DGKI: variants seen among roughly 807,000 people sequenced by gnomAD.
DGKI encodes the protein diacylglycerol kinase iota, also known as DAG kinase iota.
In DGKI, 55 loss-of-function variants were observed where a neutral mutation model predicts 147.5. The observed-to-expected ratio is 0.37, with a 90% CI of 0.30 to 0.47. The LOEUF (loss-of-function observed/expected upper bound fraction) is 0.47. Ranked by LOEUF, DGKI falls within the 20% of genes least tolerant of loss-of-function variation. The pLI is 1.00. For synonymous variants in DGKI, 469 were observed against 477.1 expected, an observed-to-expected ratio of 0.98 and a Z score of 0.22; for missense variants, 1,007 against 1,323.8, an observed-to-expected ratio of 0.76 and a Z score of 3.71.
chr7:137,681,962 G>T (rs958583691), intron 2 of DGKI, among the ~76,000 whole-genome samples: 1 of 152,264 alleles, frequency 6.6e-6, no homozygotes, highest in African/African-American at 2.4e-5. Context: ...TGGACATCAA[G>T]GTTCGAATGA....
intron 2 of DGKI, among the ~76,000 whole-genome samples, chr7:137,689,379 G>A (rs1283989208): frequency 6.6e-6 from 1 of 152,216 alleles, no homozygotes; most frequent in Non-Finnish European, 1.5e-5. Flanking sequence ...TTTTGTGAGT[G>A]TGTTATGGTT....
chr7:137,611,601 T>C (rs1820366564), intron 8 of DGKI, among the ~76,000 whole-genome samples: 1 of 152,170 alleles, frequency 6.6e-6, no homozygotes, highest in South Asian at 2.1e-4. Context: ...AACAGTTTCT[T>C]AATTTTAAAA....
chr7:137,809,802 G>A (rs1213293876), intron 1 of DGKI, among the ~76,000 whole-genome samples: 1 of 152,094 alleles, frequency 6.6e-6, no homozygotes, highest in Non-Finnish European at 1.5e-5. Context: ...TACTCAAGAG[G>A]CTGAGGTGAG....
intron 1 of DGKI, among the ~76,000 whole-genome samples, chr7:137,814,748 AGCACCCCC>A (rs1797689811): frequency 6.6e-6 from 1 of 152,240 alleles, no homozygotes; most frequent in Non-Finnish European, 1.5e-5. Flanking sequence ...AAATGTTATA[AGCACCCCC>A]GCTAGAGAAC....
At chr7:137,750,166 C>T (rs1795454435) in intron 1 of DGKI, among the ~76,000 whole-genome samples, 1 of 152,156 alleles carries the variant, frequency 6.6e-6, no homozygotes, top group Admixed American at 6.5e-5. Flanking sequence ...AAGAAAGATA[C>T]CCTTGTCGTA....
At position 137,388,953 on chromosome 7, in the gene DGKI, C is replaced by G. The variant is rs1220911124; in HGVS notation, c.*2267G>C. ...ACCTGTACCCTAAATTTTCTCTGGG[C>G]TACTTGGAAGTATTTAGAGAAATGT... is the stretch of plus-strand genomic sequence containing the variant. On this transcript the variant is annotated 3_prime_UTR_variant, in exon 33 of 33. Coordinates refer to ENST00000614521, the MANE Select transcript of DGKI (RefSeq NM_001321708.2). 1 of 152,036 alleles carries G rather than the reference C, an allele frequency of 6.6e-6. No individual in the cohort carries two copies. 9.4% of individuals were successfully genotyped at this position (152,036 alleles called of 1,614,324 possible).
At chr7:137,484,696 C>T (rs116869171) in intron 23 of DGKI, among the ~76,000 whole-genome samples, 1 of 152,112 alleles carries the variant, frequency 6.6e-6, no homozygotes, top group Non-Finnish European at 1.5e-5. Flanking sequence ...AAAGAAACTG[C>T]ACCCCCAAAG....
chr7:137,423,799 A>G (rs1453086771), intron 28 of DGKI, among the ~76,000 whole-genome samples: 1 of 152,244 alleles, frequency 6.6e-6, no homozygotes, highest in Non-Finnish European at 1.5e-5. Context: ...TGTACAATTA[A>G]AAAATAAATA....
At chr7:137,831,581 A>G (rs1437199515) in intron 1 of DGKI, among the ~76,000 whole-genome samples, 2 of 152,218 alleles carry the variant, frequency 1.3e-5, no homozygotes, top group Non-Finnish European at 2.9e-5. Flanking sequence ...ATTACCTCCC[A>G]TCGGGCTCAT....
In DGKI at chr7:137,383,705, A is replaced by G. The variant is rs1231960558; in HGVS notation, c.*7515T>C. Reference sequence around the variant, plus strand: ...CAATGTTTAGGAAAAATAAATCCTTATAAGTAATAAAGCTAACTCCTTTTC... The same window carrying G: ...CAATGTTTAGGAAAAATAAATCCTTGTAAGTAATAAAGCTAACTCCTTTTC... On this transcript the variant is annotated 3_prime_UTR_variant, in exon 33 of 33. Transcript: ENST00000614521. 2.0e-5 allele frequency: 3 copies of G among 152,050 alleles called. No homozygotes were observed. The highest frequency in any genetic ancestry group is 2.9e-5 in the Non-Finnish European group (2 of 67,950). 9.4% of individuals were successfully genotyped at this position (152,050 alleles called of 1,614,324 possible).
intron 21 of DGKI, among the ~76,000 whole-genome samples, chr7:137,502,983 T>C (rs1484828351): frequency 3.3e-5 from 5 of 152,056 alleles, no homozygotes; most frequent in African/African-American, 9.7e-5. Flanking sequence ...GGAGGAAACA[T>C]CTCCAGGCCT....
chr7:137,403,850 A>T (rs927555263), intron 30 of DGKI, among the ~76,000 whole-genome samples: 6 of 150,454 alleles, frequency 4.0e-5, no homozygotes, highest in East Asian at 2.0e-4. Context: ...TTTATTTGTT[A>T]TTTTTTTTTT....
At chr7:137,525,255 G>T (rs1438103322) in intron 20 of DGKI, among the ~76,000 whole-genome samples, 1 of 152,080 alleles carries the variant, frequency 6.6e-6, no homozygotes, top group Non-Finnish European at 1.5e-5. Context: ...CTACACTTTT[G>T]CTCTCTTGCT....
intron 23 of DGKI, among the ~76,000 whole-genome samples, chr7:137,485,018 C>T (rs1390352216): frequency 6.6e-6 from 1 of 151,970 alleles, no homozygotes; most frequent in East Asian, 1.9e-4. Context: ...GAGCCATGAC[C>T]AAATGGGATG....
At chr7:137,459,470 ATTTTT>A (rs68045398) in intron 27 of DGKI, among the ~76,000 whole-genome samples, 1,335 of 107,430 alleles carry the variant, frequency 0.012, 14 homozygotes, top group African/African-American at 0.048. Flanking sequence ...AATTTTTTAA[ATTTTT>A]TTTTTTTTTT....
intron 6 of DGKI, among the ~76,000 whole-genome samples, chr7:137,627,092 T>C (rs557815146): frequency 6.6e-6 from 1 of 152,318 alleles, no homozygotes; most frequent in South Asian, 2.1e-4. Context: ...GTTCTATTTA[T>C]TTATTTATTT....
intron 28 of DGKI, among the ~76,000 whole-genome samples, chr7:137,437,086 A>G (rs1037227757): frequency 6.6e-6 from 1 of 152,178 alleles, no homozygotes; most frequent in Non-Finnish European, 1.5e-5. Flanking sequence ...TCACTTTGGG[A>G]TCAGGAACAA....
chr7:137,599,986 T>G, intron 10 of DGKI, 81 bp from the exon 11 acceptor site: 1 of 1,252,394 alleles, frequency 8.0e-7, no homozygotes, highest in Non-Finnish European at 1.2e-6. Context: ...AATAAATACT[T>G]TTATTTAAAA....
chr7:137,463,362 G>A lies in DGKI; in HGVS notation c.2735+127C>T, dbSNP rs1402762351. On this transcript the variant is annotated intron_variant, in intron 27 of 32. Coordinates refer to ENST00000614521, the MANE Select transcript of DGKI (RefSeq NM_001321708.2). ...GTGCATGGAATGAAAACACAGAGTA[G>A]CACCTGCATGAGACAGCCTGAGCGC... 3.0e-6 allele frequency: 4 copies of A among 1,319,498 alleles called. No homozygotes were observed. In the East Asian group the frequency reaches 9.3e-5, roughly 31 times the overall value. 81.7% of individuals were successfully genotyped at this position (1,319,498 alleles called of 1,614,324 possible).
Sources: allele counts gnomAD v4.1 joint callset (sites outside exome capture counted in the v4.1 genomes callset), GRCh38; gene constraint gnomAD v4.1.1; transcripts MANE v1.5; gene names NCBI Gene and HGNC (gene_info 2026-07-23, HGNC 2026-07-21).